The following ATG4B variants were observed in gnomAD, a reference collection of about 807,000 sequenced individuals.
The protein encoded by ATG4B is cysteine protease ATG4B.
In ATG4B, 29 loss-of-function variants were observed where a neutral mutation model predicts 56.6. That is an observed-to-expected ratio of 0.51 (90% CI 0.38 to 0.70). The LOEUF (loss-of-function observed/expected upper bound fraction) is 0.70. Among genes scored for constraint, ATG4B ranks in the 30% least tolerant of loss-of-function variants. The pLI is 0.00. For synonymous variants in ATG4B, 224 were observed against 206.1 expected (o/e 1.09, Z -0.74); for missense variants, 461 against 515.5 (o/e 0.89, Z 1.02).
chr2:241,657,966 C>G (rs1038323867), intron 6 of ATG4B, among the ~76,000 whole-genome samples: 3 of 152,186 alleles, frequency 2.0e-5, no homozygotes, highest in East Asian at 3.9e-4. Context: ...CACTTGGACC[C>G]TGTTCCCCCG....
intron 3 of ATG4B, chr2:241,652,072 A>T (rs186608487): frequency 2.3e-5 from 19 of 841,804 alleles, no homozygotes; most frequent in Middle Eastern, 4.5e-4. Context: ...GTGAGGTGGA[A>T]GTCAAATAGC....
intron 3 of ATG4B, chr2:241,652,050 C>G: frequency 8.9e-7 from 1 of 1,117,456 alleles, no homozygotes; most frequent in Non-Finnish European, 1.2e-6. Flanking sequence ...TGGTTTCATT[C>G]TTTATCCTGA....
intron 1 of ATG4B, among the ~76,000 whole-genome samples, chr2:241,640,623 G>T (rs1449698243): frequency 6.6e-6 from 1 of 152,210 alleles, no homozygotes; most frequent in African/African-American, 2.4e-5. Flanking sequence ...AGCGAAGTGC[G>T]TGGCTCCTGG....
In ATG4B at chr2:241,642,871, CCTTTTTTTTTT is replaced by C. The variant is rs1315351407; in HGVS notation, c.10+5148_10+5158del. Among the ~76,000 whole-genome samples, 307 of 98,432 alleles carry C rather than the reference CCTTTTTTTTTT, an allele frequency of 3.1e-3. 24 individuals are homozygous for C. Among genetic ancestry groups the C allele is most frequent in the African/African-American group, 0.012 (284 of 23,506 alleles). The allele number at this position is 98,432 out of a possible 152,430, so 64.6% of individuals were successfully genotyped here. On this transcript the variant is annotated intron_variant, in intron 1 of 12. Transcript: ENST00000404914. ...CTTAAGGTGTACAGCACCTCTCCGT[CCTTTTTTTTTT>C]TTTTTTTTTTTTTTTTAAGACGGAG...
chr2:241,673,690 T>C lies in ATG4B; in HGVS notation c.*1426T>C. The C allele has an allele frequency of 2.2e-6, 1 of 455,972 alleles. No homozygotes were observed. The highest frequency in any genetic ancestry group is 1.6e-5 in the South Asian group (1 of 64,512). 28.2% of individuals were successfully genotyped at this position (455,972 alleles called of 1,614,324 possible). On this transcript the variant is annotated 3_prime_UTR_variant, in exon 13 of 13. Coordinates refer to ENST00000404914, the MANE Select transcript of ATG4B (RefSeq NM_013325.5). Reference sequence around the variant, plus strand: ...TTGGGCTCCACGTCCGAGTTCATGGTGCGCCGCTGTGCTGGGAGCTGCAGT... The same window carrying C: ...TTGGGCTCCACGTCCGAGTTCATGGCGCGCCGCTGTGCTGGGAGCTGCAGT...
At chr2:241,652,792 G>C (rs533610990) in intron 3 of ATG4B, among the ~76,000 whole-genome samples, 18 of 152,344 alleles carry the variant, frequency 1.2e-4, no homozygotes, top group African/African-American at 4.1e-4. Context: ...GTCCGTGCCA[G>C]TGCATGGAGA....
At chr2:241,642,800 G>A (rs1043482861) in intron 1 of ATG4B, among the ~76,000 whole-genome samples, 13 of 145,868 alleles carry the variant, frequency 8.9e-5, no homozygotes, top group Middle Eastern at 3.3e-3. Context: ...AAGTGTCTGG[G>A]ATCCAGCCGA....
rs1402382749 is a variant in ATG4B at position 241,668,680 on chromosome 2, G to A, written c.952G>A (p.Ala318Thr). ...CATCGCGGAGCTTGACCCGTCCATCGCTGTGGTACGTGGCGGCCACCTGAG... is the reference window on the plus strand; with the variant it reads ...CATCGCGGAGCTTGACCCGTCCATCACTGTGGTACGTGGCGGCCACCTGAG... Reference protein sequence around the residue: ...MSIAELDPSIAVGFFCKTEDD... With the variant: ...MSIAELDPSITVGFFCKTEDD... The change falls in exon 10 of 13, where the codon GCT (alanine) becomes ACT (threonine). Residue 318 changes from alanine (A) to threonine (T), a missense_variant. Physicochemically the swap from Ala to Thr is moderately conservative, Grantham distance 58 (BLOSUM62 0). Transcript: ENST00000404914. This position sits in a 1 kb window ranked among gnomAD's most constrained non-coding sequence, Gnocchi z 4.2. 13 of 1,571,276 alleles carry A rather than the reference G, an allele frequency of 8.3e-6. No homozygotes were observed. Among genetic ancestry groups the A allele is most frequent in the Non-Finnish European group, 1.1e-5 (13 of 1,159,808 alleles).
Position 241,673,035 on chromosome 2 carries a change from GGT to G in ATG4B, c.*773_*774del. 2.5e-5 allele frequency: 1 copy of G among 39,324 alleles called. No individual in the cohort carries two copies. Among genetic ancestry groups the G allele is most frequent in the Non-Finnish European group, 4.2e-5 (1 of 23,558 alleles). The allele number at this position is 39,324 out of a possible 1,614,324, so 2.4% of individuals were successfully genotyped here. On this transcript the variant is annotated 3_prime_UTR_variant, in exon 13 of 13. Coordinates refer to ENST00000404914, the MANE Select transcript of ATG4B (RefSeq NM_013325.5). ...ATTCTGTGGCAGCTTCCCCAGGTGTGGTGACGGGGGGGGGGCGGGGCCTCCAC... is the reference window on the plus strand; with the variant it reads ...ATTCTGTGGCAGCTTCCCCAGGTGTGGACGGGGGGGGGGCGGGGCCTCCAC...
chr2:241,659,102 C>G lies in ATG4B; in HGVS notation c.459-6C>G. On this transcript the variant is annotated splice_region_variant and splice_polypyrimidine_tract_variant and intron_variant, in intron 6 of 12. Transcript: ENST00000404914. ...AAGCTTATGGTCATTCTCCTACTCT[C>G]TGTAGGAAGCTTGCTGTCTTCGATA... 6.9e-6 allele frequency: 11 copies of G among 1,593,958 alleles called. No individual in the cohort carries two copies. Among genetic ancestry groups the G allele is most frequent in the Non-Finnish European group, 9.4e-6 (11 of 1,165,974 alleles).
At chr2:241,666,432 A>G (rs1465118634) in intron 7 of ATG4B, among the ~76,000 whole-genome samples, 1 of 152,212 alleles carries the variant, frequency 6.6e-6, no homozygotes, top group African/African-American at 2.4e-5. Context: ...TCTTGAATTA[A>G]GTATGCATAG....
rs752063737 is a variant in ATG4B at position 241,668,535 on chromosome 2, C to T, written c.812-5C>T. 1.2e-6 allele frequency: 2 copies of T among 1,607,688 alleles called. No individual in the cohort carries two copies. Among genetic ancestry groups the T allele is most frequent in the Non-Finnish European group, 1.7e-6 (2 of 1,179,022 alleles). ...CCCACCTGCCCACCTGCCTCATCCTCCCAGGTGAGGAGCTCATCTACCTGG... is the reference window on the plus strand; with the variant it reads ...CCCACCTGCCCACCTGCCTCATCCTTCCAGGTGAGGAGCTCATCTACCTGG... On this transcript the variant is annotated splice_polypyrimidine_tract_variant and splice_region_variant and intron_variant, in intron 9 of 12. Transcript: ENST00000404914. The surrounding 1 kb of genome is among the most constrained non-coding windows in gnomAD (Gnocchi z 4.2).
chr2:241,668,244 G>A lies in ATG4B; in HGVS notation c.811+23G>A. On this transcript the variant is annotated intron_variant, in intron 9 of 12. Transcript: ENST00000404914. This position sits in a 1 kb window ranked among gnomAD's most constrained non-coding sequence, Gnocchi z 4.2. The stretch of plus-strand genomic sequence containing the variant: ...TTGGTGAGTCCAGGGTTCCCACCGT[G>A]TCCCTGTGGGCCTGGGCCTTTTAAG... The A allele has an allele frequency of 5.7e-6, 9 of 1,575,406 alleles. No individual in the cohort carries two copies. The highest frequency in any genetic ancestry group is 7.8e-6 in the Non-Finnish European group (9 of 1,160,774).
At chr2:241,648,594 C>A (rs1452839563) in intron 1 of ATG4B, among the ~76,000 whole-genome samples, 52 of 135,432 alleles carry the variant, frequency 3.8e-4, no homozygotes, top group South Asian at 9.3e-4. Context: ...GTCCCGGTCT[C>A]AAAAAAAAAA....
intron 7 of ATG4B, chr2:241,659,704 G>T: frequency 4.3e-6 from 1 of 232,938 alleles, no homozygotes. Context: ...TAACAAATGG[G>T]CTCATTGAGT....
chr2:241,643,841 G>A (rs1054268147), intron 1 of ATG4B, among the ~76,000 whole-genome samples: 2 of 151,894 alleles, frequency 1.3e-5, no homozygotes, highest in Non-Finnish European at 2.9e-5. Flanking sequence ...GGGATTACAG[G>A]TGTGAGCCAC....
intron 4 of ATG4B, among the ~76,000 whole-genome samples, chr2:241,654,012 GAA>G (rs2125126748): frequency 9.4e-6 from 1 of 106,666 alleles, no homozygotes; most frequent in East Asian, 2.8e-4. Context: ...AAAAAAAAAA[GAA>G]GAAGAAGAAT....
intron 1 of ATG4B, among the ~76,000 whole-genome samples, chr2:241,640,590 C>T (rs1021564583): frequency 1.3e-5 from 2 of 152,228 alleles, no homozygotes; most frequent in Non-Finnish European, 2.9e-5. Context: ...AGCTAACGTT[C>T]TAGACATGAG....
chr2:241,671,828 T>G (rs914068183), intron 12 of ATG4B: 85 of 1,272,958 alleles, frequency 6.7e-5, no homozygotes, highest in East Asian at 2.7e-4. Context: ...TGCAGTGAAG[T>G]GAGTGGCCGT....
Sources: gnomAD v4.1 joint callset for allele counts (sites outside exome capture counted in the v4.1 genomes callset) on GRCh38, gnomAD v4.1.1 for gene constraint, Gnocchi (gnomAD v3.1) non-coding constraint, MANE v1.5 for transcripts, NCBI Gene and HGNC (gene_info 2026-07-23, HGNC 2026-07-21) for gene names.